Variants in SPOCK3 observed in about 807,000 individuals in gnomAD.
SPOCK3 encodes SPARC (osteonectin), cwcv and kazal like domains proteoglycan 3, also known as testican-3.
Under a neutral mutation model 56.6 loss-of-function variants are expected in SPOCK3, and 30 were observed. The ratio of observed to expected loss-of-function variants is 0.53; its 90% CI spans 0.40 to 0.72. SPOCK3 has a LOEUF of 0.72. SPOCK3 is among the 30% of genes least tolerant of loss of function. The pLI is 0.00. For missense variants in SPOCK3, 527 were observed against 530.0 expected (o/e 0.99, Z 0.06); for synonymous variants, 196 against 183.3 (o/e 1.07, Z -0.56).
At chr4:167,021,263 G>A (rs1751145106) in intron 3 of SPOCK3, among the ~76,000 whole-genome samples, 1 of 151,966 alleles carries the variant, frequency 6.6e-6, no homozygotes. Context: ...GTCTATTTAA[G>A]TCATCTTATA....
intron 6 of SPOCK3, among the ~76,000 whole-genome samples, chr4:166,886,252 AT>A (rs919426434): frequency 2.6e-5 from 4 of 152,108 alleles, no homozygotes; most frequent in Admixed American, 2.6e-4. Context: ...TACTTTACAA[AT>A]AATACTTTTT....
chr4:166,944,930 T>C (rs1184053353), intron 4 of SPOCK3, among the ~76,000 whole-genome samples: 2 of 152,206 alleles, frequency 1.3e-5, no homozygotes, highest in African/African-American at 4.8e-5. Flanking sequence ...ATTACTGATA[T>C]GATTTCCAAT....
chr4:167,201,830 AT>A (rs749922195), intron 2 of SPOCK3, among the ~76,000 whole-genome samples: 12 of 151,910 alleles, frequency 7.9e-5, no homozygotes, highest in Non-Finnish European at 1.5e-4. Context: ...AACTAAAGAA[AT>A]TTAGAGTTAT....
intron 7 of SPOCK3, among the ~76,000 whole-genome samples, chr4:166,765,836 A>G (rs1737952058): frequency 6.6e-6 from 1 of 152,194 alleles, no homozygotes; most frequent in South Asian, 2.1e-4. Flanking sequence ...ATGTTCTTCC[A>G]TTTGTTTGTA....
Position 167,123,591 on chromosome 4 carries a change from G to T in SPOCK3, c.190-61054C>A, listed in dbSNP as rs1683145047. 2.0e-5 allele frequency among the ~76,000 whole-genome samples: 3 copies of T among 151,930 alleles called. No individual in the cohort carries two copies. In the South Asian group the frequency reaches 6.2e-4, roughly 32 times the overall value. On this transcript the variant is annotated intron_variant, in intron 2 of 10. Transcript: ENST00000357545. ...ATGTTCCATGGTTCTAGGTTTGACT[G>T]TATACTGTTCCACCCACCTCTGCCA... is the stretch of plus-strand genomic sequence containing the variant.
At chr4:167,210,022 G>A (rs1734716725) in intron 2 of SPOCK3, among the ~76,000 whole-genome samples, 1 of 152,110 alleles carries the variant, frequency 6.6e-6, no homozygotes, top group Non-Finnish European at 1.5e-5. Flanking sequence ...AATCTGTCAA[G>A]GAGGCAATTG....
At chr4:166,790,815 T>C (rs1350333589) in intron 7 of SPOCK3, among the ~76,000 whole-genome samples, 1 of 152,240 alleles carries the variant, frequency 6.6e-6, no homozygotes, top group Non-Finnish European at 1.5e-5. Flanking sequence ...AATGTTCATC[T>C]ATGAATATTG....
At chr4:166,929,731 T>C (rs913785830) in intron 4 of SPOCK3, among the ~76,000 whole-genome samples, 8 of 152,180 alleles carry the variant, frequency 5.3e-5, no homozygotes, top group Non-Finnish European at 1.5e-5. Flanking sequence ...CTTGCTCAAC[T>C]GGAAGATACG....
chr4:167,120,033 G>A (rs1043611285), intron 2 of SPOCK3, among the ~76,000 whole-genome samples: 1 of 151,948 alleles, frequency 6.6e-6, no homozygotes, highest in Non-Finnish European at 1.5e-5. Flanking sequence ...TTACATACAT[G>A]GTAGATTTTA....
At chr4:166,800,465 C>G (rs1345988602) in intron 6 of SPOCK3, among the ~76,000 whole-genome samples, 6 of 151,996 alleles carry the variant, frequency 3.9e-5, no homozygotes, top group African/African-American at 7.2e-5. Flanking sequence ...CTATGCCTGT[C>G]AATGCCCCTG....
intron 2 of SPOCK3, among the ~76,000 whole-genome samples, chr4:167,163,892 A>G (rs935292246): frequency 6.6e-6 from 1 of 152,138 alleles, no homozygotes; most frequent in Non-Finnish European, 1.5e-5. Flanking sequence ...GACAAGAGTT[A>G]TGATGTTTTT....
At chr4:167,170,493 G>A (rs538625900) in intron 2 of SPOCK3, among the ~76,000 whole-genome samples, 13 of 152,184 alleles carry the variant, frequency 8.5e-5, no homozygotes, top group African/African-American at 3.1e-4. Flanking sequence ...AATGGGAAAG[G>A]CACTAATCTA....
chr4:166,872,491 T>G (rs1370510472), intron 6 of SPOCK3, among the ~76,000 whole-genome samples: 1 of 152,128 alleles, frequency 6.6e-6, no homozygotes, highest in Non-Finnish European at 1.5e-5. Context: ...CAAAAACCTG[T>G]ACATGGATGT....
At chr4:166,812,033 T>C (rs1042014318) in intron 6 of SPOCK3, among the ~76,000 whole-genome samples, 1 of 151,836 alleles carries the variant, frequency 6.6e-6, no homozygotes, top group East Asian at 1.9e-4. Flanking sequence ...TTAACAAATA[T>C]TTAATCGGAA....
chr4:166,858,154 T>C (rs1304830941), intron 6 of SPOCK3, among the ~76,000 whole-genome samples: 1 of 152,240 alleles, frequency 6.6e-6, no homozygotes, highest in Non-Finnish European at 1.5e-5. Flanking sequence ...TCTTCCATTA[T>C]ACTCACTGAC....
chr4:166,941,968 T>C (rs906169207), intron 4 of SPOCK3, among the ~76,000 whole-genome samples: 1 of 152,172 alleles, frequency 6.6e-6, no homozygotes, highest in South Asian at 2.1e-4. Flanking sequence ...ATCTGACTCA[T>C]AGAAACTGAG....
intron 3 of SPOCK3, among the ~76,000 whole-genome samples, chr4:167,043,700 AT>A (rs70957810): frequency 0.025 from 3,822 of 151,416 alleles, 75 homozygotes; most frequent in Middle Eastern, 0.061. Context: ...TTACTATGTA[AT>A]TTTTTTTCTT....
chr4:166,864,315 C>G (rs1251517280), intron 6 of SPOCK3, among the ~76,000 whole-genome samples: 1 of 152,104 alleles, frequency 6.6e-6, no homozygotes, highest in Admixed American at 6.6e-5. Context: ...ATTAAATGCC[C>G]ATATCAGAAG....
rs559016458 is a variant in SPOCK3, at chr4:166,734,709, T to C, written c.*212A>G. 23 of 455,570 alleles carry C rather than the reference T, an allele frequency of 5.0e-5. No homozygotes were observed. In the Admixed American group the frequency reaches 8.0e-4, roughly 16 times the overall value. 28.2% of individuals were successfully genotyped at this position (455,570 alleles called of 1,614,324 possible). ...GTCTGACTAGACTGCATATGTATTT[T>C]CTTTTTGTGTAAGGAATATAAAAAC... On this transcript the variant is annotated 3_prime_UTR_variant, in exon 11 of 11. Transcript: ENST00000357545.
Sources: gnomAD v4.1 joint callset for allele counts (sites outside exome capture counted in the v4.1 genomes callset) on GRCh38, gnomAD v4.1.1 for gene constraint, MANE v1.5 for transcripts, NCBI Gene and HGNC (gene_info 2026-07-23, HGNC 2026-07-21) for gene names.